LRPPRC: variants seen among roughly 807,000 people sequenced by gnomAD.
LRPPRC encodes leucine rich pentatricopeptide repeat containing, also known as leucine-rich PPR motif-containing protein, mitochondrial.
In LRPPRC, 120 loss-of-function variants were observed where a neutral mutation model predicts 180.3. The ratio of observed to expected loss-of-function variants is 0.67; its 90% CI spans 0.57 to 0.77. The LOEUF (loss-of-function observed/expected upper bound fraction) is 0.77, where lower values mean the gene tolerates loss of function less well. Ranked by LOEUF, LRPPRC falls within the 30% of genes least tolerant of loss-of-function variation. The pLI, the probability that LRPPRC is intolerant of heterozygous loss-of-function variation, is 0.00. For missense variants in LRPPRC, 2,012 were observed against 1,657.2 expected, an observed-to-expected ratio of 1.21 and a Z score of -3.72; for synonymous variants, 723 against 600.0, an observed-to-expected ratio of 1.21 and a Z score of -3.00.
chr2:43,889,682 G>A (rs777124595), intron 37 of LRPPRC, 52 bp downstream of exon 37: 1 of 1,332,092 alleles, frequency 7.5e-7, no homozygotes, highest in Non-Finnish European at 1.1e-6. Context: ...TTGTTATGAA[G>A]TGCACATAAA....
intron 1 of LRPPRC, among the ~76,000 whole-genome samples, chr2:43,994,626 T>A (rs887266901): frequency 6.6e-6 from 1 of 152,292 alleles, no homozygotes; most frequent in East Asian, 1.9e-4. Flanking sequence ...CTACTGCAGA[T>A]CCCTGGCTCT....
intron 29 of LRPPRC, among the ~76,000 whole-genome samples, chr2:43,915,198 A>ACTCTCTCTCT (rs142492838): frequency 0.015 from 964 of 63,374 alleles, 35 homozygotes; most frequent in Non-Finnish European, 0.023. Context: ...ACAGAACAAG[A>ACTCTCTCTCT]CTCTCTCTCT....
chr2:43,899,107 T>C (rs1378447440), intron 34 of LRPPRC, 112 bp downstream of exon 34: 5 of 753,774 alleles, frequency 6.6e-6, no homozygotes, highest in African/African-American at 1.7e-5. Context: ...ACAAGCTAGC[T>C]GCACACCACA....
chr2:43,923,928 G>C (rs1243211992), intron 27 of LRPPRC, among the ~76,000 whole-genome samples: 1 of 152,010 alleles, frequency 6.6e-6, no homozygotes. Context: ...CTAAAATACA[G>C]GTTTTTAATT....
chr2:43,931,122 A>C (rs141024226), intron 25 of LRPPRC, among the ~76,000 whole-genome samples: 89 of 152,344 alleles, frequency 5.8e-4, no homozygotes, highest in African/African-American at 2.0e-3. Flanking sequence ...TATATTATTT[A>C]ATTTAACTCT....
chr2:43,969,134 C>T (rs765244548), intron 11 of LRPPRC, among the ~76,000 whole-genome samples: 11 of 152,106 alleles, frequency 7.2e-5, no homozygotes, highest in South Asian at 2.1e-4. Context: ...AGTCTCAGTC[C>T]GGGCGCAGAG....
Position 43,969,936 on chromosome 2 carries a change from A to C in LRPPRC, c.1369+3671T>G, listed in dbSNP as rs547788334. Among the ~76,000 whole-genome samples the C allele has an allele frequency of 2.3e-3, 351 of 152,284 alleles. 1 individual carries two copies. Among genetic ancestry groups the C allele is most frequent in the Non-Finnish European group, 4.0e-3 (270 of 68,020 alleles). ...ACTAATGCCCCTACTTCAGCCTCCCAAAGTGTTGGGATTACAGGTGTAAGC... is the reference window on the plus strand; with the variant it reads ...ACTAATGCCCCTACTTCAGCCTCCCCAAGTGTTGGGATTACAGGTGTAAGC... On this transcript the variant is annotated intron_variant, in intron 11 of 37. Transcript: ENST00000260665.
chr2:43,930,876 G>T (rs1158652167), intron 25 of LRPPRC, among the ~76,000 whole-genome samples: 1 of 152,074 alleles, frequency 6.6e-6, no homozygotes, highest in Non-Finnish European at 1.5e-5. Context: ...GTATTTCTCT[G>T]TAAACAAACA....
chr2:43,973,630 C>A lies in LRPPRC; in HGVS notation c.1346G>T (p.Arg449Leu). Residue 449 changes from arginine to leucine, a missense_variant, in exon 11 of 38, where the codon CGT becomes CTT. By Grantham distance (102) the Arg-to-Leu change is moderately radical. Coordinates refer to ENST00000260665, the MANE Select transcript of LRPPRC (RefSeq NM_133259.4). ...PHYFWPLLVGRRKEKNVQGII... is the reference protein window; with the variant it reads ...PHYFWPLLVGLRKEKNVQGII... ...ACCTTGAACATTTTTTTCCTTCCGACGTCCAACTAGCAATGGCCAGAAATA... is the reference window on the plus strand; with the variant it reads ...ACCTTGAACATTTTTTTCCTTCCGAAGTCCAACTAGCAATGGCCAGAAATA... 1.2e-6 allele frequency: 2 copies of A among 1,613,446 alleles called. No individual in the cohort carries two copies. Among genetic ancestry groups the A allele is most frequent in the South Asian group, 1.1e-5 (1 of 91,070 alleles).
At chr2:43,944,747 G>A (rs1221239024) in intron 22 of LRPPRC, among the ~76,000 whole-genome samples, 2 of 151,984 alleles carry the variant, frequency 1.3e-5, no homozygotes, top group East Asian at 1.9e-4. Flanking sequence ...GTATTATCAA[G>A]TGTAATTAAT....
At chr2:43,942,601 T>C (rs1281145660) in intron 23 of LRPPRC, among the ~76,000 whole-genome samples, 1 of 152,128 alleles carries the variant, frequency 6.6e-6, no homozygotes, top group African/African-American at 2.4e-5. Context: ...GTTTTTATTA[T>C]ACATTTAAAA....
chr2:43,990,934 C>T (rs1674748122), intron 1 of LRPPRC, among the ~76,000 whole-genome samples: 2 of 151,900 alleles, frequency 1.3e-5, no homozygotes, highest in African/African-American at 4.8e-5. Flanking sequence ...CAACCTCCAC[C>T]TCCCGGGTTC....
In LRPPRC at chr2:43,887,404, A is replaced by G. The variant is rs1009195006; in HGVS notation, c.*1196T>C. 1 of 152,224 alleles carries G rather than the reference A, an allele frequency of 6.6e-6. No individual in the cohort carries two copies. The highest frequency in any genetic ancestry group is 6.5e-5 in the Admixed American group (1 of 15,280). 9.4% of individuals were successfully genotyped at this position (152,224 alleles called of 1,614,324 possible). On this transcript the variant is annotated 3_prime_UTR_variant, in exon 38 of 38. Coordinates refer to ENST00000260665, the MANE Select transcript of LRPPRC (RefSeq NM_133259.4). Reference sequence around the variant, plus strand: ...TCTGCGGGCAGGTAGCAGATGCAGGAGAGAGAGTTCCACAAGACAGAAGGT... The same window carrying G: ...TCTGCGGGCAGGTAGCAGATGCAGGGGAGAGAGTTCCACAAGACAGAAGGT...
chr2:43,935,795 A>C (rs4633965), intron 23 of LRPPRC, among the ~76,000 whole-genome samples: 1 of 152,224 alleles, frequency 6.6e-6, no homozygotes, highest in African/African-American at 2.4e-5. Context: ...AAATAAAAGG[A>C]CAATGTTAGT....
intron 31 of LRPPRC, chr2:43,903,366 G>T (rs890147114): frequency 6.6e-6 from 1 of 152,012 alleles, no homozygotes; most frequent in South Asian, 2.1e-4. Flanking sequence ...AAATTTAATC[G>T]GCTTTATTTT....
chr2:43,990,732 C>T (rs754572400), intron 1 of LRPPRC, among the ~76,000 whole-genome samples: 2 of 152,094 alleles, frequency 1.3e-5, no homozygotes, highest in African/African-American at 2.4e-5. Context: ...ATGGACAGCA[C>T]GTCTAATAGT....
chr2:43,891,316 C>T (rs953617351), intron 36 of LRPPRC, among the ~76,000 whole-genome samples: 2 of 152,216 alleles, frequency 1.3e-5, no homozygotes, highest in African/African-American at 4.8e-5. Flanking sequence ...GACACTATTT[C>T]ACATTACAGG....
At chr2:43,921,090 G>A (rs1411853157) in intron 27 of LRPPRC, among the ~76,000 whole-genome samples, 7 of 152,096 alleles carry the variant, frequency 4.6e-5, no homozygotes, top group Admixed American at 1.3e-4. Flanking sequence ...CCAGGAGTTC[G>A]AGACCAGCCT....
At chr2:43,988,968 C>T (rs191077388) in intron 1 of LRPPRC, among the ~76,000 whole-genome samples, 41 of 152,242 alleles carry the variant, frequency 2.7e-4, no homozygotes, top group African/African-American at 9.4e-4. Flanking sequence ...CTCCTGGCCT[C>T]AAGCAATCCT....
Sources: gnomAD v4.1 joint callset for allele counts (sites outside exome capture counted in the v4.1 genomes callset) on GRCh38, gnomAD v4.1.1 for gene constraint, MANE v1.5 for transcripts, NCBI Gene and HGNC (gene_info 2026-07-23, HGNC 2026-07-21) for gene names.